Variants in MARK3 observed in about 807,000 individuals in gnomAD.
MARK3 encodes MAP/microtubule affinity-regulating kinase 3.
In MARK3, 46 loss-of-function variants were observed where a neutral mutation model predicts 90.1. That is an observed-to-expected ratio of 0.51 (90% CI 0.40 to 0.65). The LOEUF (loss-of-function observed/expected upper bound fraction) is 0.65. Among genes scored for constraint, MARK3 ranks in the 30% least tolerant of loss-of-function variants. The probability of loss-of-function intolerance (pLI) is 0.00; values close to 1 mark genes in which losing one functional copy is unlikely to be tolerated. For synonymous variants in MARK3, 321 were observed against 332.6 expected (o/e 0.97, Z 0.38); for missense variants, 818 against 947.2 (o/e 0.86, Z 1.79).
chr14:103,448,897 T>A (rs1013376356), intron 3 of MARK3, 22 bp from the exon 4 acceptor site: 1 of 1,547,282 alleles, frequency 6.5e-7, no homozygotes, highest in Non-Finnish European at 8.8e-7. Context: ...GGATTATGTG[T>A]TTTGTTTGTT....
At chr14:103,481,036 G>A (rs1162198559) in intron 14 of MARK3, among the ~76,000 whole-genome samples, 1 of 152,172 alleles carries the variant, frequency 6.6e-6, no homozygotes, top group African/African-American at 2.4e-5. Flanking sequence ...GCATACATAG[G>A]ATGAGCGTGA....
rs142349279 is a variant in MARK3, at chr14:103,497,438, G to A, written c.1845-1064G>A. Among the ~76,000 whole-genome samples the A allele has an allele frequency of 2.7e-3, 411 of 152,240 alleles. 2 individuals are homozygous for A. Among genetic ancestry groups the A allele is most frequent in the African/African-American group, 9.5e-3 (394 of 41,512 alleles). ...CTATTTTTGCCCAGGGAAGCTGATC[G>A]CATTGATCATAAAAACCTCATTCGT... On this transcript the variant is annotated intron_variant, in intron 15 of 17. Coordinates refer to ENST00000429436, the MANE Select transcript of MARK3 (RefSeq NM_001128918.3).
chr14:103,449,057 G>T, intron 4 of MARK3, 90 bp downstream of exon 4: 1 of 1,303,396 alleles, frequency 7.7e-7, no homozygotes, highest in East Asian at 2.4e-5. Context: ...AAATGGTAGA[G>T]TACACTTCTA....
chr14:103,484,425 G>A (rs2093885733), intron 14 of MARK3, among the ~76,000 whole-genome samples: 1 of 152,038 alleles, frequency 6.6e-6, no homozygotes, highest in Admixed American at 6.5e-5. Context: ...CACCTGCCTT[G>A]GCCTCCCAAA....
At chr14:103,467,020 AAAAAG>A in intron 10 of MARK3, 54 bp from the exon 11 acceptor site, 1 of 836,410 alleles carries the variant, frequency 1.2e-6, no homozygotes, top group Non-Finnish European at 1.8e-6. Flanking sequence ...AAAAAAAAAA[AAAAAG>A]GATGATTTCT....
intron 15 of MARK3, among the ~76,000 whole-genome samples, chr14:103,495,678 T>A (rs555941953): frequency 1.5e-4 from 23 of 152,350 alleles, no homozygotes; most frequent in African/African-American, 5.3e-4. Flanking sequence ...GTTTACAATT[T>A]CCAGGCTATT....
At chr14:103,408,312 C>T (rs540581411) in intron 2 of MARK3, among the ~76,000 whole-genome samples, 49 of 152,184 alleles carry the variant, frequency 3.2e-4, no homozygotes, top group African/African-American at 1.1e-3. Flanking sequence ...CTTAGCCTCC[C>T]GAGTAGCTGG....
intron 2 of MARK3, among the ~76,000 whole-genome samples, chr14:103,413,169 C>T (rs1223710997): frequency 3.9e-5 from 6 of 152,102 alleles, no homozygotes; most frequent in African/African-American, 7.2e-5. Context: ...CCACCACATC[C>T]GGCTAATGCC....
intron 7 of MARK3, among the ~76,000 whole-genome samples, chr14:103,464,810 C>A (rs1361684322): frequency 2.0e-5 from 3 of 151,810 alleles, no homozygotes; most frequent in Non-Finnish European, 4.4e-5. Context: ...GGTCCTCCTA[C>A]CTCAGCCTTC....
At chr14:103,465,882 CG>C in intron 8 of MARK3, 89 bp downstream of exon 8, 1 of 1,544,864 alleles carries the variant, frequency 6.5e-7, no homozygotes, top group Non-Finnish European at 8.8e-7. Flanking sequence ...TATATCAGTG[CG>C]GGGGGTTTCA....
chr14:103,429,795 A>G (rs574468986), intron 3 of MARK3, among the ~76,000 whole-genome samples: 72 of 152,208 alleles, frequency 4.7e-4, no homozygotes, highest in Non-Finnish European at 8.5e-4. Flanking sequence ...ACTAAAATTA[A>G]CATACAAGGA....
intron 16 of MARK3, 136 bp downstream of exon 16, chr14:103,498,664 C>T (rs867450406): frequency 2.6e-5 from 22 of 833,296 alleles, no homozygotes; most frequent in Non-Finnish European, 3.6e-5. Flanking sequence ...ATACTTAATT[C>T]CTTGAAAGGA....
At chr14:103,496,039 ACT>A (rs1242293279) in intron 15 of MARK3, among the ~76,000 whole-genome samples, 2 of 151,802 alleles carry the variant, frequency 1.3e-5, no homozygotes, top group Admixed American at 6.6e-5. Context: ...CGGGAGCAAA[ACT>A]CTCTCTCCTT....
At chr14:103,459,359 T>G (rs573143273) in intron 6 of MARK3, among the ~76,000 whole-genome samples, 2 of 152,312 alleles carry the variant, frequency 1.3e-5, no homozygotes, top group East Asian at 3.9e-4. Flanking sequence ...ATGTATGTGT[T>G]TTTTCAATTA....
chr14:103,467,232 T>G, intron 11 of MARK3, 41 bp downstream of exon 11: 2 of 877,922 alleles, frequency 2.3e-6, no homozygotes, highest in South Asian at 3.3e-5. Flanking sequence ...CTGTATGTAA[T>G]TATTAGTTTA....
At chr14:103,469,954 A>G (rs969052850) in intron 12 of MARK3, among the ~76,000 whole-genome samples, 2 of 151,466 alleles carry the variant, frequency 1.3e-5, no homozygotes, top group African/African-American at 2.4e-5. Context: ...CCAGCTACTC[A>G]GGAGGCTGAG....
At chr14:103,465,869 C>A in intron 8 of MARK3, 76 bp downstream of exon 8, 1 of 1,542,194 alleles carries the variant, frequency 6.5e-7, no homozygotes, top group Non-Finnish European at 8.8e-7. Context: ...ATATTTTTAA[C>A]ATTATATCAG....
intron 4 of MARK3, among the ~76,000 whole-genome samples, chr14:103,449,237 T>C (rs1405277660): frequency 6.6e-6 from 1 of 151,620 alleles, no homozygotes; most frequent in African/African-American, 2.4e-5. Flanking sequence ...AATATAATTG[T>C]ATTGCATGAG....
chr14:103,476,332 A>G (rs4906329), intron 13 of MARK3, among the ~76,000 whole-genome samples: 50,340 of 152,062 alleles, frequency 0.33, 8,717 homozygotes, highest in East Asian at 0.5. Context: ...AAGAGCTCTA[A>G]TGATGAAGAG....
Sources: gnomAD v4.1 joint callset for allele counts (sites outside exome capture counted in the v4.1 genomes callset) on GRCh38, gnomAD v4.1.1 for gene constraint, MANE v1.5 for transcripts, NCBI Gene and HGNC (gene_info 2026-07-23, HGNC 2026-07-21) for gene names.